PCDHGA3: variants seen among roughly 807,000 people sequenced by gnomAD.
PCDHGA3 encodes protocadherin gamma-A3.
Under a neutral mutation model 58.5 loss-of-function variants are expected in PCDHGA3, and 40 were observed. That is an observed-to-expected ratio of 0.68 (90% CI 0.53 to 0.89). PCDHGA3 has a LOEUF of 0.89. Ranked by LOEUF, PCDHGA3 falls within the 40% of genes least tolerant of loss-of-function variation. PCDHGA3 has a pLI of 0.00. For synonymous variants in PCDHGA3, 530 were observed against 525.7 expected, an observed-to-expected ratio of 1.01 and a Z score of -0.11; for missense variants, 1,223 against 1,195.9, an observed-to-expected ratio of 1.02 and a Z score of -0.33.
intron 1 of PCDHGA3, chr5:141,410,177 A>C (rs2095365763): frequency 1.2e-6 from 2 of 1,613,626 alleles, no homozygotes; most frequent in Non-Finnish European, 1.7e-6. Flanking sequence ...TGCCACCGCC[A>C]CGCTTCATCT....
intron 1 of PCDHGA3, among the ~76,000 whole-genome samples, chr5:141,471,778 A>T (rs2099264151): frequency 6.6e-6 from 1 of 152,244 alleles, no homozygotes; most frequent in Non-Finnish European, 1.5e-5. Flanking sequence ...TGAGTTTGAC[A>T]TTATGCTATG....
In PCDHGA3 at chr5:141,343,941, C is replaced by T; in HGVS notation, c.-93C>T. The T allele has an allele frequency of 8.4e-7, 1 of 1,196,774 alleles. No individual in the cohort carries two copies. The highest frequency in any genetic ancestry group is 1.2e-6 in the Non-Finnish European group (1 of 861,688). The allele number at this position is 1,196,774 out of a possible 1,614,324, so 74.1% of individuals were successfully genotyped here. ...CAGCTGTTTGACCTGTGAATTAGGCCCGTAAAAGACTTCGTTTCTTGAGAA... is the reference window on the plus strand; with the variant it reads ...CAGCTGTTTGACCTGTGAATTAGGCTCGTAAAAGACTTCGTTTCTTGAGAA... On this transcript the variant is annotated 5_prime_UTR_variant, in exon 1 of 4. Coordinates refer to ENST00000253812, the MANE Select transcript of PCDHGA3 (RefSeq NM_018916.4).
At chr5:141,385,088 G>A in intron 1 of PCDHGA3, 2 of 1,614,226 alleles carry the variant, frequency 1.2e-6, no homozygotes, top group Non-Finnish European at 1.7e-6. Flanking sequence ...GCTTCAGAAG[G>A]TGGCTTGGCG....
chr5:141,347,143 CTTTCTT>C (rs1757902436), intron 1 of PCDHGA3, among the ~76,000 whole-genome samples: 6 of 104,078 alleles, frequency 5.8e-5, no homozygotes, highest in South Asian at 2.9e-4. Context: ...TTCTCTCTTT[CTTTCTT>C]TCTTTCTTTC....
At chr5:141,356,874 T>C in intron 1 of PCDHGA3, 1 of 1,614,196 alleles carries the variant, frequency 6.2e-7, no homozygotes, top group South Asian at 1.1e-5. Context: ...AGAACGACAA[T>C]GTCCCTGAGA....
chr5:141,476,071 T>A lies in PCDHGA3; in HGVS notation c.2425-18736T>A. On this transcript the variant is annotated intron_variant, in intron 1 of 3. Transcript: ENST00000253812. The surrounding 1 kb of genome is among the most constrained non-coding windows in gnomAD (Gnocchi z 7.6). ...CCGCTGAAAGTTTCTCAGCGAAATC[T>A]CAGGGACGATCTGGACCCCGCTGAG... 6.6e-7 allele frequency: 1 copy of A among 1,522,792 alleles called. No individual in the cohort carries two copies. The highest frequency in any genetic ancestry group is 8.8e-7 in the Non-Finnish European group (1 of 1,142,680). 94.3% of individuals were successfully genotyped at this position (1,522,792 alleles called of 1,614,324 possible).
intron 1 of PCDHGA3, chr5:141,399,206 C>T (rs2093769623): frequency 1.2e-6 from 2 of 1,613,908 alleles, no homozygotes; most frequent in South Asian, 2.2e-5. Flanking sequence ...GTGCCTGGAA[C>T]ACTAATTGCT....
intron 1 of PCDHGA3, chr5:141,410,406 C>A (rs1361000460): frequency 6.2e-7 from 1 of 1,614,050 alleles, no homozygotes; most frequent in Non-Finnish European, 8.5e-7. Flanking sequence ...TGTGTCAAGT[C>A]TGGACCTGTA....
chr5:141,358,747 C>T (rs767586792), intron 1 of PCDHGA3, among the ~76,000 whole-genome samples: 41 of 152,120 alleles, frequency 2.7e-4, no homozygotes, highest in Non-Finnish European at 3.4e-4. Flanking sequence ...AGTCTTTTCT[C>T]TTGTCATCAT....
At chr5:141,352,610 G>T (rs566336530) in intron 1 of PCDHGA3, 5 of 1,613,512 alleles carry the variant, frequency 3.1e-6, no homozygotes, top group Middle Eastern at 1.6e-4. Context: ...TCCTTCTATG[G>T]TTGTATGTGC....
intron 1 of PCDHGA3, chr5:141,375,742 G>A: frequency 6.2e-7 from 1 of 1,614,216 alleles, no homozygotes; most frequent in Non-Finnish European, 8.5e-7. Context: ...TGTTTGTGCT[G>A]GACCAGAATG....
At chr5:141,346,895 G>GT (rs1757823698) in intron 1 of PCDHGA3, among the ~76,000 whole-genome samples, 1 of 152,128 alleles carries the variant, frequency 6.6e-6, no homozygotes, top group Non-Finnish European at 1.5e-5. Flanking sequence ...AGCTTATCCT[G>GT]ATACATACAA....
intron 1 of PCDHGA3, chr5:141,388,455 T>C: frequency 6.2e-7 from 1 of 1,613,784 alleles, no homozygotes; most frequent in South Asian, 1.1e-5. Flanking sequence ...TGGCAGTAAA[T>C]ACCCTGAGAT....
intron 1 of PCDHGA3, chr5:141,367,192 T>G (rs1764986193): frequency 6.3e-6 from 1 of 158,980 alleles, no homozygotes; most frequent in African/African-American, 2.4e-5. Flanking sequence ...GGAAATAATT[T>G]ACAGTATTTA....
chr5:141,450,006 C>CTATTTTT lies in PCDHGA3; in HGVS notation c.2425-44800_2425-44799insATTTTTT, dbSNP rs70988802. On this transcript the variant is annotated intron_variant, in intron 1 of 3. Coordinates refer to ENST00000253812, the MANE Select transcript of PCDHGA3 (RefSeq NM_018916.4). ...CACATTGCATTTAGTTGCCATGTCTCTTTTTTTTTTTTTTTTTTGAGACAG... is the reference window on the plus strand; with the variant it reads ...CACATTGCATTTAGTTGCCATGTCTCTATTTTTTTTTTTTTTTTTTTTTTTGAGACAG... Among the ~76,000 whole-genome samples, 248 of 132,920 alleles carry CTATTTTT rather than the reference C, an allele frequency of 1.9e-3. 8 individuals carry two copies. Among genetic ancestry groups the CTATTTTT allele is most frequent in the African/African-American group, 4.3e-3 (154 of 35,586 alleles). 87.2% of individuals were successfully genotyped at this position (132,920 alleles called of 152,430 possible). A position where few individuals can be genotyped will look rare whatever the true frequency, so the allele number is the denominator to read the frequency against.
At chr5:141,446,669 C>T (rs554578186) in intron 1 of PCDHGA3, among the ~76,000 whole-genome samples, 2 of 152,182 alleles carry the variant, frequency 1.3e-5, no homozygotes, top group Admixed American at 1.3e-4. Flanking sequence ...TACAAGACAG[C>T]ATTTCACCAT....
intron 1 of PCDHGA3, among the ~76,000 whole-genome samples, chr5:141,450,005 T>A (rs1439257597): frequency 1.0e-5 from 1 of 99,604 alleles, no homozygotes; most frequent in Non-Finnish European, 1.8e-5. Context: ...TTGCCATGTC[T>A]CTTTTTTTTT....
chr5:141,479,838 C>T (rs539142918), intron 1 of PCDHGA3, among the ~76,000 whole-genome samples: 1 of 152,298 alleles, frequency 6.6e-6, no homozygotes, highest in African/African-American at 2.4e-5. Context: ...GGTATCCATG[C>T]AAGGTGACTG....
intron 1 of PCDHGA3, among the ~76,000 whole-genome samples, chr5:141,348,227 C>T (rs1758083997): frequency 6.6e-6 from 1 of 152,094 alleles, no homozygotes; most frequent in African/African-American, 2.4e-5. Context: ...TAGGAAAAGG[C>T]ACATTTAAAT....
Sources: gnomAD v4.1 joint callset for allele counts (sites outside exome capture counted in the v4.1 genomes callset) on GRCh38, gnomAD v4.1.1 for gene constraint, Gnocchi (gnomAD v3.1) non-coding constraint, MANE v1.5 for transcripts, NCBI Gene and HGNC (gene_info 2026-07-23, HGNC 2026-07-21) for gene names.